The following PLAC1 variants were observed in gnomAD, a reference collection of about 807,000 sequenced individuals.
PLAC1 encodes placenta associated 1, also known as placenta-specific protein 1.
For missense variants in PLAC1, 136 were observed against 163.2 expected, an observed-to-expected ratio of 0.83 and a Z score of 0.91; for synonymous variants, 68 against 62.1, an observed-to-expected ratio of 1.09 and a Z score of -0.44.
At chrX:134,733,862 G>A (rs941106286) in intron 1 of PLAC1, among the ~76,000 whole-genome samples, 2 of 110,614 alleles carry the variant, frequency 1.8e-5, no homozygotes, top group African/African-American at 6.6e-5. Context: ...CTGTTGGCAT[G>A]AGAGCGTTCA....
chrX:134,764,069 C>T (rs1025487611), intron 1 of PLAC1, among the ~76,000 whole-genome samples: 2 of 111,581 alleles, frequency 1.8e-5, no homozygotes, highest in African/African-American at 6.5e-5. Flanking sequence ...ATCGTTCATA[C>T]TATCATTTAC....
intron 2 of PLAC1, among the ~76,000 whole-genome samples, chrX:134,572,505 T>A (rs2077913965): frequency 8.9e-6 from 1 of 112,204 alleles, no homozygotes; most frequent in East Asian, 2.8e-4. Context: ...ACATTATTCA[T>A]CATTTTGTGT....
chrX:134,627,516 G>A (rs188765802), intron 1 of PLAC1, among the ~76,000 whole-genome samples: 16 of 112,296 alleles, frequency 1.4e-4, no homozygotes, highest in South Asian at 3.7e-4. Flanking sequence ...AGTGTTTGTC[G>A]TAGTAGTACT....
At chrX:134,610,615 T>G (rs2078147742) in intron 1 of PLAC1, among the ~76,000 whole-genome samples, 1 of 111,402 alleles carries the variant, frequency 9.0e-6, no homozygotes, top group African/African-American at 3.3e-5. Context: ...AAGGGCATTT[T>G]GCATTGGATA....
intron 2 of PLAC1, among the ~76,000 whole-genome samples, chrX:134,664,475 C>T (rs989239702): frequency 2.7e-5 from 3 of 112,175 alleles, no homozygotes; most frequent in African/African-American, 9.7e-5. Context: ...CTTGGCTGCT[C>T]TGACTGCTCT....
intron 2 of PLAC1, among the ~76,000 whole-genome samples, chrX:134,716,089 A>G (rs1205899482): frequency 8.9e-6 from 1 of 112,452 alleles, no homozygotes; most frequent in Non-Finnish European, 1.9e-5. Flanking sequence ...ATCACAGCAC[A>G]GCTCCAGCCT....
At chrX:134,697,281 G>A (rs1237854429) in intron 2 of PLAC1, among the ~76,000 whole-genome samples, 1 of 110,459 alleles carries the variant, frequency 9.1e-6, no homozygotes, top group African/African-American at 3.3e-5. Context: ...GAAGTCATAG[G>A]TAACTGATAA....
chrX:134,649,932 C>T (rs1382671600), intron 1 of PLAC1, among the ~76,000 whole-genome samples: 1 of 111,637 alleles, frequency 9.0e-6, no homozygotes, highest in Non-Finnish European at 1.9e-5. Context: ...AAACTAGAAC[C>T]TCTCTCCCCC....
intron 1 of PLAC1, among the ~76,000 whole-genome samples, chrX:134,654,476 A>AAACTGTACTGAAAGAATGAGACAT (rs2078378563): frequency 1.8e-5 from 2 of 112,219 alleles, no homozygotes; most frequent in South Asian, 7.4e-4. Flanking sequence ...TTCATCCTAA[A>AAACTGTACTGAAAGAATGAGACAT]AACTGTACTG....
chrX:134,658,851 C>G (rs1425840099), upstream of PLAC1, among the ~76,000 whole-genome samples: 1 of 111,985 alleles, frequency 8.9e-6, no homozygotes, highest in African/African-American at 3.2e-5. Context: ...TCTTTCGTGT[C>G]TTTACTCAGT....
Position 134,592,680 on chromosome X carries a change from T to TAATC in PLAC1, c.-59+9367_-59+9370dup, listed in dbSNP as rs369341182. On this transcript the variant is annotated intron_variant, in intron 2 of 2. Coordinates refer to ENST00000359237, the MANE Select transcript of PLAC1 (RefSeq NM_021796.4). ...TCCACAGTTCCATGAGCCAATTCCTTAATCAATCAATCAATCAATCAATCT... is the reference window on the plus strand; with the variant it reads ...TCCACAGTTCCATGAGCCAATTCCTTAATCAATCAATCAATCAATCAATCAATCT... 4.9e-4 allele frequency among the ~76,000 whole-genome samples: 53 copies of TAATC among 108,637 alleles called. 1 individual carries two copies. Among genetic ancestry groups the TAATC allele is most frequent in the Admixed American group, 1.3e-3 (13 of 10,107 alleles). 94.3% of individuals were successfully genotyped at this position (108,637 alleles called of 115,157 possible).
chrX:134,569,416 C>T (rs2077893942), intron 2 of PLAC1, among the ~76,000 whole-genome samples: 1 of 111,415 alleles, frequency 9.0e-6, no homozygotes, highest in Non-Finnish European at 1.9e-5. Flanking sequence ...GGCAGAATCT[C>T]TTTCCTCTGA....
At chrX:134,711,460 G>A (rs1452080816) in intron 2 of PLAC1, among the ~76,000 whole-genome samples, 9 of 111,908 alleles carry the variant, frequency 8.0e-5, no homozygotes, top group Non-Finnish European at 1.3e-4. Flanking sequence ...GAGTATCAAG[G>A]CTTGTCTGTG....
chrX:134,611,252 A>G (rs2078150999), intron 1 of PLAC1, among the ~76,000 whole-genome samples: 1 of 111,095 alleles, frequency 9.0e-6, no homozygotes, highest in Non-Finnish European at 1.9e-5. Context: ...CATATAAGAA[A>G]GTTATTAAGT....
upstream of PLAC1, among the ~76,000 whole-genome samples, chrX:134,659,130 T>C (rs889987877): frequency 7.3e-5 from 8 of 109,613 alleles, no homozygotes; most frequent in Non-Finnish European, 1.5e-4. Context: ...GATGGGTTGA[T>C]CGATGCAGCA....
intron 1 of PLAC1, among the ~76,000 whole-genome samples, chrX:134,625,320 A>G (rs1337672794): frequency 8.9e-6 from 1 of 112,328 alleles, no homozygotes; most frequent in Non-Finnish European, 1.9e-5. Flanking sequence ...ATAGGTAGTC[A>G]GTACTTCTAA....
Position 134,745,934 on chromosome X carries a change from C to T in PLAC1, n.90-12415G>A, listed in dbSNP as rs781770470. ...CCCAGAAGGAAGCTAACATGCTCTC[C>T]CTTTGTTGCAAGGTGCTGGGTTAGA... On this transcript the variant is annotated intron_variant and non_coding_transcript_variant, in intron 1 of 2. Transcript: ENST00000466797. 2.7e-5 allele frequency among the ~76,000 whole-genome samples: 3 copies of T among 111,824 alleles called. No homozygotes were observed. In the South Asian group the frequency reaches 1.1e-3, roughly 42 times the overall value.
intron 2 of PLAC1, among the ~76,000 whole-genome samples, chrX:134,699,884 CTAA>C (rs1425633243): frequency 8.9e-6 from 1 of 112,187 alleles, no homozygotes; most frequent in Non-Finnish European, 1.9e-5. Flanking sequence ...CCTGGTGTAA[CTAA>C]TCTACCCCAT....
chrX:134,578,996 A>G (rs1012535794), intron 2 of PLAC1, among the ~76,000 whole-genome samples: 3 of 111,533 alleles, frequency 2.7e-5, no homozygotes, highest in African/African-American at 6.5e-5. Context: ...GACTTTAAAA[A>G]TATATATTTA....
Sources: gnomAD v4.1 joint callset for allele counts (sites outside exome capture counted in the v4.1 genomes callset) on GRCh38, gnomAD v4.1.1 for gene constraint, MANE v1.5 for transcripts, NCBI Gene and HGNC (gene_info 2026-07-23, HGNC 2026-07-21) for gene names.